CR1: variants seen among roughly 807,000 people sequenced by gnomAD.
The protein encoded by CR1 is complement receptor type 1.
In CR1, 116 loss-of-function variants were observed where a neutral mutation model predicts 187.3. The observed-to-expected ratio is 0.62, with a 90% CI of 0.53 to 0.72. CR1 has a LOEUF of 0.72. Ranked by LOEUF, CR1 falls within the 30% of genes least tolerant of loss-of-function variation. The pLI, the probability that CR1 is intolerant of heterozygous loss-of-function variation, is 0.00. For missense variants in CR1, 1,731 were observed against 2,110.7 expected (o/e 0.82, Z 3.52); for synonymous variants, 576 against 747.1 (o/e 0.77, Z 3.73).
rs772522277 is a variant in CR1, at chr1:207,496,395, G to C, written c.121+7G>C. 4.0e-5 allele frequency: 64 copies of C among 1,603,806 alleles called. No homozygotes were observed. Among genetic ancestry groups the C allele is most frequent in the Admixed American group, 1.7e-5 (1 of 58,536 alleles). ...GCGCTGCCGGTGGCCTGGGGTGAGAGGCGGGCGGGCGTGGGGAGGCGCCCG... is the reference window on the plus strand; with the variant it reads ...GCGCTGCCGGTGGCCTGGGGTGAGACGCGGGCGGGCGTGGGGAGGCGCCCG... On this transcript the variant is annotated splice_region_variant and intron_variant, in intron 1 of 46. Transcript: ENST00000367049.
chr1:207,556,649 A>ATATATATG (rs1180691105), intron 19 of CR1, among the ~76,000 whole-genome samples: 94 of 6,508 alleles, frequency 0.014, no homozygotes, highest in African/African-American at 0.046. Flanking sequence ...GATCTATATC[A>ATATATATG]TATATATATA....
At chr1:207,595,237 A>C (rs1018789928) in intron 35 of CR1, among the ~76,000 whole-genome samples, 3 of 152,032 alleles carry the variant, frequency 2.0e-5, no homozygotes. Flanking sequence ...ATATATACAC[A>C]CAAACACACT....
intron 35 of CR1, among the ~76,000 whole-genome samples, chr1:207,594,902 A>G (rs921912488): frequency 2.0e-5 from 3 of 152,242 alleles, no homozygotes; most frequent in Non-Finnish European, 2.9e-5. Flanking sequence ...AATTGAAGAT[A>G]AAAGAAACCA....
chr1:207,525,199 C>T (rs1660131670), intron 5 of CR1, among the ~76,000 whole-genome samples: 1 of 151,932 alleles, frequency 6.6e-6, no homozygotes. Flanking sequence ...TCCCACCAGG[C>T]TCCTTCTCCA....
rs904986781 is a variant in CR1 at position 207,511,912 on chromosome 1, G to A, written c.487+258G>A. Among the ~76,000 whole-genome samples, 6 of 151,988 alleles carry A rather than the reference G, an allele frequency of 3.9e-5. 1 individual carries two copies. Among genetic ancestry groups the A allele is most frequent in the African/African-American group, 9.7e-5 (4 of 41,364 alleles). ...CAAACTTGATTTTACTTCAATAAAC[G>A]TGAAATTATGTTGTTTCTACCACCT... On this transcript the variant is annotated intron_variant, in intron 4 of 46. Coordinates refer to ENST00000367049, the MANE Select transcript of CR1 (RefSeq NM_000651.6).
intron 1 of CR1, among the ~76,000 whole-genome samples, chr1:207,500,549 T>C (rs1242285889): frequency 1.3e-5 from 2 of 152,140 alleles, no homozygotes; most frequent in Non-Finnish European, 2.9e-5. Flanking sequence ...GTGGGCTGAG[T>C]CATACAAGAC....
Position 207,578,073 on chromosome 1 carries a change from C to T in CR1, c.4806C>T (p.Asn1602=). The change falls in exon 29 of 47, where the codon AAC becomes AAT. Residue 1602 remains asparagine (N), a synonymous_variant. Transcript: ENST00000367049. The part of the protein sequence containing the change: ...NVENGILVSD[N]RSLFSLNEVV... The stretch of plus-strand genomic sequence containing the variant: ...AAAATGGAATATTGGTATCTGACAA[C>T]AGAAGCTTATTTTCCTTAAATGAAG... 6.2e-7 allele frequency: 1 copy of T among 1,611,684 alleles called. No homozygotes were observed. Among genetic ancestry groups the T allele is most frequent in the African/African-American group, 1.3e-5 (1 of 74,942 alleles).
chr1:207,575,387 T>A (rs1271152759), intron 27 of CR1, among the ~76,000 whole-genome samples: 1 of 152,182 alleles, frequency 6.6e-6, no homozygotes, highest in Admixed American at 6.5e-5. Flanking sequence ...AGAAGCAATG[T>A]GGGCCAGGAG....
intron 4 of CR1, among the ~76,000 whole-genome samples, chr1:207,515,251 AGG>A (rs1421295761): frequency 6.8e-6 from 1 of 147,892 alleles, no homozygotes; most frequent in African/African-American, 2.5e-5. Context: ...ATACATATAT[AGG>A]TATATACGTA....
chr1:207,521,427 A>T (rs1659988653), intron 4 of CR1, among the ~76,000 whole-genome samples: 1 of 151,796 alleles, frequency 6.6e-6, no homozygotes, highest in African/African-American at 2.4e-5. Context: ...TTATTCTTCT[A>T]TGTATTTAGT....
chr1:207,508,591 A>G (rs1572993586), intron 3 of CR1, among the ~76,000 whole-genome samples: 1 of 152,368 alleles, frequency 6.6e-6, no homozygotes, highest in South Asian at 2.1e-4. Context: ...TAACTGTTTC[A>G]ATATCTTAAT....
intron 33 of CR1, among the ~76,000 whole-genome samples, chr1:207,586,846 C>G (rs1661125734): frequency 6.6e-6 from 1 of 152,206 alleles, no homozygotes; most frequent in South Asian, 2.1e-4. Flanking sequence ...AGAACCTAAT[C>G]TTAATTCTAT....
chr1:207,523,465 A>T, intron 4 of CR1, 146 bp from the exon 5 acceptor site: 1 of 1,395,402 alleles, frequency 7.2e-7, no homozygotes, highest in Non-Finnish European at 9.7e-7. Context: ...CATTGAAGCT[A>T]CAACTTTATA....
intron 3 of CR1, 28 bp downstream of exon 3, chr1:207,506,841 C>T (rs565403557): frequency 6.4e-7 from 1 of 1,554,412 alleles, no homozygotes; most frequent in Non-Finnish European, 8.9e-7. Flanking sequence ...GAACCAACAT[C>T]TCTTGGTTCA....
chr1:207,611,146 C>T (rs1320937072), intron 37 of CR1, among the ~76,000 whole-genome samples: 3 of 151,818 alleles, frequency 2.0e-5, no homozygotes, highest in Non-Finnish European at 2.9e-5. Flanking sequence ...AAATGACTGG[C>T]TTAAAACATG....
chr1:207,582,435 C>G (rs1239242046), intron 32 of CR1, among the ~76,000 whole-genome samples: 4 of 152,106 alleles, frequency 2.6e-5, no homozygotes, highest in African/African-American at 9.7e-5. Flanking sequence ...TGGGGATATA[C>G]CTATAAACAA....
At position 207,611,765 on chromosome 1, in the gene CR1, C is replaced by A. The variant is rs1661936790; in HGVS notation, c.6384C>A (p.Ser2128Arg). 1.9e-6 allele frequency: 3 copies of A among 1,613,894 alleles called. No homozygotes were observed. The highest frequency in any genetic ancestry group is 1.7e-5 in the Admixed American group (1 of 60,004). ...NFSPGQEVFY[S>R]CEPSYDLRGA... The stretch of plus-strand genomic sequence containing the variant: ...CACCTGGGCAGGAAGTGTTCTACAG[C>A]TGTGAGCCCAGCTATGACCTCAGAG... Residue 2128 changes from serine (S) to arginine (R), a missense_variant, in exon 38 of 47, where the codon AGC (serine) becomes AGA (arginine). This residue lies in a region of CR1 where 1,312 missense variants were observed against 1,379.6 expected (regional missense o/e 0.95). Coordinates refer to ENST00000367049, the MANE Select transcript of CR1 (RefSeq NM_000651.6).
intron 4 of CR1, among the ~76,000 whole-genome samples, chr1:207,515,312 A>ATGTG (rs1413707984): frequency 8.7e-5 from 13 of 149,458 alleles, no homozygotes; most frequent in African/African-American, 2.9e-4. Flanking sequence ...CACTATATAT[A>ATGTG]TATACACATA....
At chr1:207,631,400 T>G (rs1358036720) in intron 46 of CR1, among the ~76,000 whole-genome samples, 1 of 152,180 alleles carries the variant, frequency 6.6e-6, no homozygotes, top group Non-Finnish European at 1.5e-5. Context: ...TCTGGCTCCC[T>G]TTTATACTAC....
Sources: allele counts gnomAD v4.1 joint callset (sites outside exome capture counted in the v4.1 genomes callset), GRCh38; gene constraint gnomAD v4.1.1; regional missense constraint gnomAD v4.1.1; transcripts MANE v1.5; gene names NCBI Gene and HGNC (gene_info 2026-07-23, HGNC 2026-07-21).